Variants in ZBTB44 observed in about 807,000 individuals in gnomAD.
The protein encoded by ZBTB44 is zinc finger and BTB domain containing 44, also known as zinc finger and BTB domain-containing protein 44.
ZBTB44 carries 15 observed loss-of-function variants against 54.0 expected under a neutral mutation model. That is an observed-to-expected ratio of 0.28 (90% CI 0.19 to 0.43). The LOEUF is 0.43. Ranked by LOEUF, ZBTB44 falls within the 20% of genes least tolerant of loss-of-function variation. ZBTB44 has a pLI of 1.00. For synonymous variants in ZBTB44, 230 were observed against 250.1 expected (o/e 0.92, Z 0.76); for missense variants, 487 against 707.1 (o/e 0.69, Z 3.53).
At chr11:130,288,159 G>C (rs1337311410) in intron 1 of ZBTB44, among the ~76,000 whole-genome samples, 2 of 151,876 alleles carry the variant, frequency 1.3e-5, no homozygotes, top group Non-Finnish European at 2.9e-5. Flanking sequence ...GATCACCTGA[G>C]GTCAGGAGTT....
At chr11:130,252,828 A>T (rs1938131746) in intron 2 of ZBTB44, among the ~76,000 whole-genome samples, 1 of 152,224 alleles carries the variant, frequency 6.6e-6, no homozygotes, top group Non-Finnish European at 1.5e-5. Flanking sequence ...AATACTGGCA[A>T]ACCAAATCCA....
chr11:130,258,944 A>C (rs1414720370), intron 2 of ZBTB44, among the ~76,000 whole-genome samples: 1 of 152,212 alleles, frequency 6.6e-6, no homozygotes, highest in Non-Finnish European at 1.5e-5. Context: ...CCAGTAACAG[A>C]GAGCCAAATC....
intron 1 of ZBTB44, among the ~76,000 whole-genome samples, chr11:130,266,344 T>A (rs187912100): frequency 6.6e-6 from 1 of 152,208 alleles, no homozygotes; most frequent in South Asian, 2.1e-4. Context: ...CAACAGTGCA[T>A]CTGGTCATCG....
chr11:130,278,586 G>A (rs2134250213), intron 1 of ZBTB44, among the ~76,000 whole-genome samples: 1 of 152,196 alleles, frequency 6.6e-6, no homozygotes, highest in South Asian at 2.1e-4. Flanking sequence ...AATGGTATGT[G>A]GGATGGTGTC....
At chr11:130,237,891 A>G (rs1378324093) in intron 4 of ZBTB44, among the ~76,000 whole-genome samples, 1 of 152,226 alleles carries the variant, frequency 6.6e-6, no homozygotes, top group Non-Finnish European at 1.5e-5. Flanking sequence ...TCATGTGATT[A>G]CTGAACTAAA....
chr11:130,275,675 T>A (rs1940008792), intron 1 of ZBTB44, among the ~76,000 whole-genome samples: 1 of 152,186 alleles, frequency 6.6e-6, no homozygotes, highest in African/African-American at 2.4e-5. Flanking sequence ...GTTGCCAGAC[T>A]GGTATGCAGT....
At chr11:130,269,067 G>C (rs1461628029) in intron 1 of ZBTB44, among the ~76,000 whole-genome samples, 1 of 150,844 alleles carries the variant, frequency 6.6e-6, no homozygotes, top group South Asian at 2.1e-4. Flanking sequence ...AAAGCGGGTG[G>C]ATCACCTGAG....
chr11:130,237,522 C>T (rs914157712), intron 4 of ZBTB44, among the ~76,000 whole-genome samples: 1 of 151,916 alleles, frequency 6.6e-6, no homozygotes, highest in South Asian at 2.1e-4. Flanking sequence ...CACAGAGAAA[C>T]GAGAAGAAAG....
At chr11:130,236,232 G>A (rs758042581) in intron 5 of ZBTB44, 1 of 1,280,290 alleles carries the variant, frequency 7.8e-7, no homozygotes, top group South Asian at 1.2e-5. Context: ...AATCAGAAAG[G>A]TAATTCTATT....
intron 2 of ZBTB44, among the ~76,000 whole-genome samples, chr11:130,253,026 A>G (rs540897589): frequency 2.0e-4 from 30 of 152,244 alleles, no homozygotes; most frequent in Non-Finnish European, 3.8e-4. Context: ...CTTCATGCTA[A>G]AAACTCTCAA....
At chr11:130,291,969 T>C (rs1290375828) in intron 1 of ZBTB44, among the ~76,000 whole-genome samples, 1 of 152,258 alleles carries the variant, frequency 6.6e-6, no homozygotes, top group Non-Finnish European at 1.5e-5. Context: ...TCAATGTGCT[T>C]TACACTTTAG....
intron 1 of ZBTB44, chr11:130,296,549 C>T: frequency 1.1e-6 from 1 of 895,714 alleles, no homozygotes; most frequent in South Asian, 1.5e-5. Flanking sequence ...TCACTATGAC[C>T]ATCCGGATGA....
chr11:130,313,779 A>G (rs1434912167), intron 1 of ZBTB44, among the ~76,000 whole-genome samples: 1 of 152,164 alleles, frequency 6.6e-6, no homozygotes, highest in Non-Finnish European at 1.5e-5. Flanking sequence ...CATAGAACTC[A>G]CATGGACGCA....
At chr11:130,240,547 A>T (rs1954318831) in intron 2 of ZBTB44, among the ~76,000 whole-genome samples, 1 of 152,212 alleles carries the variant, frequency 6.6e-6, no homozygotes, top group African/African-American at 2.4e-5. Context: ...TTTAAAACTT[A>T]TTGAAGACAT....
rs1022555889 is a variant in ZBTB44, at chr11:130,231,342, G to A, written c.*422C>T. ...AAGGCCTTTATTTGTATCATTTTAT[G>A]TTAAATACTGGTTAGTTACTGGTAT... On this transcript the variant is annotated 3_prime_UTR_variant, in exon 8 of 8. Transcript: ENST00000357899. The A allele has an allele frequency of 6.6e-6, 1 of 152,074 alleles. No homozygotes were observed. 9.4% of individuals were successfully genotyped at this position (152,074 alleles called of 1,614,324 possible).
At chr11:130,299,703 T>G (rs1746584682) in intron 1 of ZBTB44, among the ~76,000 whole-genome samples, 1 of 150,022 alleles carries the variant, frequency 6.7e-6, no homozygotes, top group South Asian at 2.1e-4. Flanking sequence ...TTGTGCATGG[T>G]TGGTGGGAAT....
At chr11:130,263,949 A>G (rs1939063070) in intron 1 of ZBTB44, among the ~76,000 whole-genome samples, 1 of 152,196 alleles carries the variant, frequency 6.6e-6, no homozygotes, top group South Asian at 2.1e-4. Context: ...TTAAACAACA[A>G]TCAAGGCCAA....
rs1329340843 is a variant in ZBTB44, at chr11:130,233,369, C to T, written c.1700G>A (p.Gly567Asp). 2 of 1,532,062 alleles carry T rather than the reference C, an allele frequency of 1.3e-6. No individual in the cohort carries two copies. The highest frequency in any genetic ancestry group is 1.2e-5 in the South Asian group (1 of 83,850). 94.9% of individuals were successfully genotyped at this position (1,532,062 alleles called of 1,614,324 possible). A position where few individuals can be genotyped will look rare whatever the true frequency, so the allele number is the denominator to read the frequency against. The stretch of plus-strand genomic sequence containing the variant: ...GACTGTTGTCAATCATGGTTCCTTG[C>T]CTTTGGAGTGGTACTATAAAGGTAC... ...MPVISQYHSK[G>D]KEP The change falls in exon 7 of 8, where the codon GGC (glycine) becomes GAC (aspartate). Residue 567 changes from glycine (G) to aspartate (D), a missense_variant. Gly to Asp is a moderately conservative substitution (Grantham distance 94). This residue lies in a region of ZBTB44 where 120 missense variants were observed against 240.3 expected (regional missense o/e 0.50). Coordinates refer to ENST00000357899, the MANE Select transcript of ZBTB44 (RefSeq NM_001301098.2).
chr11:130,283,275 A>G (rs969609064), intron 1 of ZBTB44, among the ~76,000 whole-genome samples: 10 of 151,790 alleles, frequency 6.6e-5, no homozygotes, highest in East Asian at 1.9e-4. Context: ...CAAACTTCTG[A>G]CTTCAAATGA....
Sources: allele counts gnomAD v4.1 joint callset (sites outside exome capture counted in the v4.1 genomes callset), GRCh38; gene constraint gnomAD v4.1.1; regional missense constraint gnomAD v4.1.1; transcripts MANE v1.5; gene names NCBI Gene and HGNC (gene_info 2026-07-23, HGNC 2026-07-21).